The following ANXA5 variants were observed in gnomAD, a reference collection of about 807,000 sequenced individuals.
ANXA5 encodes the protein CBP-I.
ANXA5 carries 40 observed loss-of-function variants against 48.1 expected under a neutral mutation model. That is an observed-to-expected ratio of 0.83 (90% confidence interval 0.65 to 1.08). ANXA5 has a LOEUF of 1.08. ANXA5 is among the 50% of genes least tolerant of loss of function. The probability of loss-of-function intolerance (pLI) is 0.00; values close to 1 mark genes in which losing one functional copy is unlikely to be tolerated. For synonymous variants in ANXA5, 113 were observed against 129.1 expected (o/e 0.88, Z 0.85); for missense variants, 357 against 376.8 (o/e 0.95, Z 0.44).
chr4:121,688,106 C>G (rs994537490), intron 2 of ANXA5, among the ~76,000 whole-genome samples: 5 of 152,146 alleles, frequency 3.3e-5, no homozygotes, highest in Non-Finnish European at 7.4e-5. Flanking sequence ...AATCCAGAGA[C>G]AGCTTGCCTC....
At chr4:121,677,095 G>A (rs1197592888) in intron 8 of ANXA5, among the ~76,000 whole-genome samples, 3 of 152,158 alleles carry the variant, frequency 2.0e-5, no homozygotes, top group South Asian at 2.1e-4. Flanking sequence ...CCTCTTTCCT[G>A]TTAGCAAAGT....
intron 2 of ANXA5, among the ~76,000 whole-genome samples, chr4:121,689,520 C>T (rs771539390): frequency 6.6e-5 from 10 of 152,194 alleles, no homozygotes; most frequent in Non-Finnish European, 8.8e-5. Flanking sequence ...AGAAAAAATT[C>T]GGAAAAAAAT....
At chr4:121,696,647 G>A in intron 1 of ANXA5, 23 bp from the exon 2 acceptor site, 13 of 1,333,226 alleles carry the variant, frequency 9.8e-6, no homozygotes, top group Non-Finnish European at 1.3e-5. Flanking sequence ...AGAAACCTCG[G>A]GCTTAGCGCG....
chr4:121,677,723 C>A (rs919031985), intron 8 of ANXA5, among the ~76,000 whole-genome samples, 171 bp downstream of exon 8: 1 of 151,970 alleles, frequency 6.6e-6, no homozygotes, highest in Non-Finnish European at 1.5e-5. Flanking sequence ...ATTTTGCTGA[C>A]CAGGTCAGAA....
At chr4:121,678,295 G>C (rs1156262014) in intron 7 of ANXA5, 120 bp downstream of exon 7, 2 of 787,674 alleles carry the variant, frequency 2.5e-6, no homozygotes, top group Non-Finnish European at 4.1e-6. Flanking sequence ...AATCATCGCA[G>C]TAAGAATCAG....
chr4:121,668,284 T>G lies in ANXA5; in HGVS notation c.*184A>C, dbSNP rs1009023046. ...TTTAGTACTACAGCAGTCAAAGAGA[T>G]CTCCACTAGAGATCAGAAAGAAGCA... On this transcript the variant is annotated 3_prime_UTR_variant, in exon 13 of 13. Transcript: ENST00000296511. 4.3e-5 allele frequency: 24 copies of G among 559,356 alleles called. No individual in the cohort carries two copies. The highest frequency in any genetic ancestry group is 7.0e-5 in the Non-Finnish European group (22 of 312,758). The allele number at this position is 559,356 out of a possible 1,614,324, so 34.6% of individuals were successfully genotyped here.
At chr4:121,670,492 G>C (rs1454015018) in intron 10 of ANXA5, among the ~76,000 whole-genome samples, 1 of 152,032 alleles carries the variant, frequency 6.6e-6, no homozygotes, top group Non-Finnish European at 1.5e-5. Context: ...GATTCACACA[G>C]AGCAGCATGA....
rs1433855639 is a variant in ANXA5 at position 121,686,327 on chromosome 4, C to G, written c.55G>C (p.Ala19Pro). ...GCCTTCCGAAGAGTTTCTGCATCAG[C>G]CCGCTCATCAAATCCAGGGAAGTCA... ...VTDFPGFDER[A>P]DAETLRKAMK... is the part of the protein sequence containing the mutation. The change falls in exon 3 of 13, where the codon GCT (alanine) becomes CCT (proline). Residue 19 changes from alanine to proline, a missense_variant. Ala to Pro is a conservative substitution (Grantham distance 27). Coordinates refer to ENST00000296511, the MANE Select transcript of ANXA5 (RefSeq NM_001154.4). 6.2e-7 allele frequency: 1 copy of G among 1,614,090 alleles called. No individual in the cohort carries two copies. The highest frequency in any genetic ancestry group is 2.2e-5 in the East Asian group (1 of 44,884).
chr4:121,672,675 C>G (rs1208901443), intron 8 of ANXA5, 49 bp from the exon 9 acceptor site: 1 of 1,398,254 alleles, frequency 7.2e-7, no homozygotes, highest in African/African-American at 1.4e-5. Flanking sequence ...CATCTCATTT[C>G]CAGGTTCTTA....
chr4:121,668,534 C>T lies in ANXA5; in HGVS notation c.904-7G>A. 1 of 1,612,674 alleles carries T rather than the reference C, an allele frequency of 6.2e-7. No individual in the cohort carries two copies. The highest frequency in any genetic ancestry group is 1.3e-5 in the African/African-American group (1 of 74,936). ...AGTCCCCAGATGTATCTCCCTGAAA[C>T]CAAATGTATTCCATTAACCTCCATG... On this transcript the variant is annotated splice_polypyrimidine_tract_variant and splice_region_variant and intron_variant, in intron 12 of 12. Transcript: ENST00000296511.
In ANXA5 at chr4:121,684,709, T is replaced by C; in HGVS notation, c.157A>G (p.Ile53Val). ...AACAGAGTCTTAAAAGCTGCAGAGA[T>C]TTCCTGGCGCTGAGCATTACTTCGG... ...TSRSNAQRQE[I>V]SAAFKTLFGR... is the part of the protein sequence containing the mutation. Residue 53 changes from isoleucine (I) to valine (V), a missense_variant, in exon 4 of 13, where the codon ATC becomes GTC. Physicochemically the swap from Ile to Val is conservative, Grantham distance 29. Transcript: ENST00000296511. The C allele has an allele frequency of 6.2e-7, 1 of 1,613,986 alleles. No individual in the cohort carries two copies. Among genetic ancestry groups the C allele is most frequent in the South Asian group, 1.1e-5 (1 of 91,072 alleles).
chr4:121,681,795 A>G (rs1342451543), intron 5 of ANXA5, 34 bp from the exon 6 acceptor site: 3 of 1,464,144 alleles, frequency 2.0e-6, no homozygotes, highest in African/African-American at 1.4e-5. Context: ...AAACATGTCA[A>G]TAAGATTAAA....
chr4:121,671,444 C>A (rs1225002462), intron 10 of ANXA5, 103 bp downstream of exon 10: 2 of 782,610 alleles, frequency 2.6e-6, no homozygotes, highest in Admixed American at 2.2e-5. Context: ...TCATATCAAG[C>A]TCTTCCTTCA....
intron 8 of ANXA5, among the ~76,000 whole-genome samples, chr4:121,677,598 T>C (rs1285519954): frequency 1.3e-5 from 2 of 152,204 alleles, no homozygotes; most frequent in African/African-American, 2.4e-5. Context: ...GTAATAACAC[T>C]GTTTTTTGGT....
intron 6 of ANXA5, among the ~76,000 whole-genome samples, chr4:121,680,290 C>A (rs760075150): frequency 1.3e-5 from 2 of 151,578 alleles, no homozygotes; most frequent in African/African-American, 2.4e-5. Flanking sequence ...TGTGTGTGTA[C>A]GTATTCTTTA....
intron 6 of ANXA5, among the ~76,000 whole-genome samples, chr4:121,680,328 T>C (rs1724769664): frequency 1.3e-5 from 2 of 152,142 alleles, no homozygotes; most frequent in Admixed American, 1.3e-4. Context: ...GGACACTTTG[T>C]AAACCCACCT....
chr4:121,693,772 TA>T (rs1234431251), intron 2 of ANXA5, among the ~76,000 whole-genome samples: 22 of 152,120 alleles, frequency 1.4e-4, no homozygotes, highest in African/African-American at 4.6e-4. Context: ...AGGCCACGGG[TA>T]AACAGGTAAC....
At chr4:121,687,626 A>G (rs1261148837) in intron 2 of ANXA5, among the ~76,000 whole-genome samples, 1 of 152,180 alleles carries the variant, frequency 6.6e-6, no homozygotes, top group African/African-American at 2.4e-5. Context: ...ATAACATAAT[A>G]CTAATCAAAT....
In ANXA5 at chr4:121,696,835, G is replaced by A. The variant is rs1014370976; in HGVS notation, c.-36+28C>T. 3.8e-5 allele frequency: 14 copies of A among 365,396 alleles called. No individual in the cohort carries two copies. In the Admixed American group the frequency reaches 6.1e-4, roughly 16 times the overall value. 22.6% of individuals were successfully genotyped at this position (365,396 alleles called of 1,614,324 possible). ...GACCACGCTCTCCTCTCCAGAAGGAGCCCCCTCCCCGGGCTGCGACCACTC... is the reference window on the plus strand; with the variant it reads ...GACCACGCTCTCCTCTCCAGAAGGAACCCCCTCCCCGGGCTGCGACCACTC... On this transcript the variant is annotated intron_variant, in intron 1 of 12. Coordinates refer to ENST00000296511, the MANE Select transcript of ANXA5 (RefSeq NM_001154.4).
Sources: allele counts gnomAD v4.1 joint callset (sites outside exome capture counted in the v4.1 genomes callset), GRCh38; gene constraint gnomAD v4.1.1; transcripts MANE v1.5; gene names NCBI Gene and HGNC (gene_info 2026-07-23, HGNC 2026-07-21).